TDRD9: variants seen among roughly 807,000 people sequenced by gnomAD.
TDRD9 encodes tudor domain containing 9.
TDRD9 carries 124 observed loss-of-function variants against 172.6 expected under a neutral mutation model. The observed-to-expected ratio is 0.72, with a 90% CI of 0.62 to 0.83. The LOEUF is 0.83. Among genes scored for constraint, TDRD9 ranks in the 40% least tolerant of loss-of-function variants. TDRD9 has a pLI of 0.00. For synonymous variants in TDRD9, 619 were observed against 617.1 expected (o/e 1.00, Z -0.05); for missense variants, 1,479 against 1,714.1 (o/e 0.86, Z 2.42).
chr14:104,020,561 A>C lies in TDRD9; in HGVS notation c.2433-1596A>C, dbSNP rs564265642. 6.6e-5 allele frequency among the ~76,000 whole-genome samples: 10 copies of C among 152,310 alleles called. No homozygotes were observed. The South Asian group carries it at 2.1e-3, about 32-fold the overall frequency. ...AGGGAGATAAAGCAGAAGGGCATGA[A>C]TCAGGCAGTGGGTGGAAGGAAAATG... On this transcript the variant is annotated intron_variant, in intron 23 of 35. Coordinates refer to ENST00000409874, the MANE Select transcript of TDRD9 (RefSeq NM_153046.3).
chr14:103,969,236 G>A (rs959684341), intron 5 of TDRD9, among the ~76,000 whole-genome samples: 11 of 149,856 alleles, frequency 7.3e-5, no homozygotes, highest in African/African-American at 2.7e-4. Context: ...ATAAAGATGA[G>A]TACTAGGGAG....
At chr14:103,970,508 C>G (rs1437246099) in intron 5 of TDRD9, 33 bp from the exon 6 acceptor site, 1 of 1,510,826 alleles carries the variant, frequency 6.6e-7, no homozygotes, top group Non-Finnish European at 9.0e-7. Flanking sequence ...TGCCTGATGC[C>G]ATGTGGGGGG....
At position 104,022,729 on chromosome 14, in the gene TDRD9, A is replaced by AAAATAAATAAATAAATAAAT. The variant is rs139166055; in HGVS notation, c.2606+415_2606+434dup. On this transcript the variant is annotated intron_variant, in intron 24 of 35. Transcript: ENST00000409874. ...GCGACAGAACAAGACGCTGTCTTAA[A>AAAATAAATAAATAAATAAAT]AAATAAATAAATAAATAAATAAATA... 1.8e-3 allele frequency among the ~76,000 whole-genome samples: 256 copies of AAAATAAATAAATAAATAAAT among 145,972 alleles called. 4 individuals are homozygous for AAAATAAATAAATAAATAAAT. The highest frequency in any genetic ancestry group is 1.4e-3 in the East Asian group (7 of 4,920).
At chr14:103,940,113 G>A (rs2031127920) in intron 1 of TDRD9, among the ~76,000 whole-genome samples, 2 of 151,946 alleles carry the variant, frequency 1.3e-5, no homozygotes, top group South Asian at 4.1e-4. Flanking sequence ...TAAATATTTT[G>A]CTATTTCACC....
At chr14:103,975,782 A>G (rs2033212175) in intron 7 of TDRD9, among the ~76,000 whole-genome samples, 1 of 152,228 alleles carries the variant, frequency 6.6e-6, no homozygotes, top group Non-Finnish European at 1.5e-5. Context: ...AACATTTATC[A>G]TTGTTAATTA....
Position 103,928,530 on chromosome 14 carries a change from C to G in TDRD9, c.21C>G (p.Ile7Met). Residue 7 changes from isoleucine to methionine, a missense_variant, in exon 1 of 36, where the codon ATC becomes ATG. By Grantham distance (10) the Ile-to-Met change is conservative (BLOSUM62 1). This residue lies in a region of TDRD9 where 63 missense variants were observed against 48.4 expected (regional missense o/e 1.30). Coordinates refer to ENST00000409874, the MANE Select transcript of TDRD9 (RefSeq NM_153046.3). MLRKLT[I>M]EQINDWFTIG... ...TGAGGATGCTGCGGAAGCTCACCAT[C>G]GAGCAGATCAACGACTGGTTCACCA... The G allele has an allele frequency of 7.1e-7, 1 of 1,411,848 alleles. No individual in the cohort carries two copies. The highest frequency in any genetic ancestry group is 3.2e-5 in the East Asian group (1 of 30,892). The allele number at this position is 1,411,848 out of a possible 1,614,324, so 87.5% of individuals were successfully genotyped here.
intron 1 of TDRD9, among the ~76,000 whole-genome samples, chr14:103,932,398 T>C (rs551054322): frequency 2.8e-4 from 42 of 152,294 alleles, no homozygotes; most frequent in Non-Finnish European, 7.4e-5. Context: ...ATGGCTTTTT[T>C]TCTTTTTGAG....
At chr14:104,040,440 ACC>A in intron 33 of TDRD9, 106 bp downstream of exon 33, 1 of 1,222,482 alleles carries the variant, frequency 8.2e-7, no homozygotes, top group Non-Finnish European at 1.1e-6. Flanking sequence ...GCAGACACAC[ACC>A]TCTGGTCCTG....
intron 8 of TDRD9, among the ~76,000 whole-genome samples, chr14:103,989,389 C>G (rs1447564262): frequency 6.6e-6 from 1 of 152,194 alleles, no homozygotes; most frequent in Admixed American, 6.5e-5. Context: ...AAGCCACCTG[C>G]TTTTGGATGC....
intron 2 of TDRD9, 124 bp from the exon 3 acceptor site, chr14:103,962,955 T>G: frequency 1.8e-6 from 1 of 541,818 alleles, no homozygotes; most frequent in Non-Finnish European, 3.0e-6. Context: ...AAAATGTATT[T>G]TTGTATTTGA....
Position 104,026,713 on chromosome 14 carries a change from C to A in TDRD9, c.3056C>A (p.Ser1019Ter). Residue 1019 changes from serine to a stop codon, truncating the protein, a stop_gained, in exon 28 of 36, where the codon TCA becomes TAA. Coordinates refer to ENST00000409874, the MANE Select transcript of TDRD9 (RefSeq NM_153046.3). LOFTEE classifies it high-confidence loss of function. ...TTTAAGATTTGCAAAATGAGACCATCAGCAAAGTCTCTTGTTTGTGGCAAG... is the reference window on the plus strand; with the variant it reads ...TTTAAGATTTGCAAAATGAGACCATAAGCAAAGTCTCTTGTTTGTGGCAAG... ...LEFKICKMRP[S>*]AKSLVCGKHW... The A allele has an allele frequency of 6.2e-7, 1 of 1,614,026 alleles. No homozygotes were observed. Among genetic ancestry groups the A allele is most frequent in the South Asian group, 1.1e-5 (1 of 91,072 alleles).
chr14:103,988,446 A>G (rs2033753132), intron 8 of TDRD9, among the ~76,000 whole-genome samples: 1 of 152,172 alleles, frequency 6.6e-6, no homozygotes, highest in Non-Finnish European at 1.5e-5. Context: ...TGCTGGGATT[A>G]TAGGTGTGAC....
At chr14:104,050,083 CA>C (rs2035897180) in intron 35 of TDRD9, 1 of 169,438 alleles carries the variant, frequency 5.9e-6, no homozygotes. Flanking sequence ...ACAGTGCCAC[CA>C]CGGGTAGGGG....
At chr14:104,043,169 G>A (rs147258861) in intron 34 of TDRD9, among the ~76,000 whole-genome samples, 2 of 151,604 alleles carry the variant, frequency 1.3e-5, no homozygotes. Flanking sequence ...GGCTACAGGT[G>A]TGCACCACCA....
chr14:103,955,883 G>A (rs1354263612), intron 2 of TDRD9, 113 bp downstream of exon 2: 2 of 858,908 alleles, frequency 2.3e-6, no homozygotes, highest in Non-Finnish European at 3.6e-6. Context: ...GCTGAGGTGG[G>A]AGGATCACTT....
At chr14:103,973,678 C>T (rs114013213) in intron 6 of TDRD9, among the ~76,000 whole-genome samples, 2,498 of 152,274 alleles carry the variant, frequency 0.016, 72 homozygotes, top group African/African-American at 0.057. Context: ...TCACTGGCCT[C>T]GTCGTTCCTT....
intron 1 of TDRD9, among the ~76,000 whole-genome samples, chr14:103,938,057 C>G (rs986688558): frequency 6.6e-5 from 10 of 151,974 alleles, no homozygotes; most frequent in African/African-American, 2.4e-4. Flanking sequence ...TTGGACGTAT[C>G]TGAGGCAGTT....
At chr14:103,933,729 T>G (rs866397488) in intron 1 of TDRD9, among the ~76,000 whole-genome samples, 5 of 152,168 alleles carry the variant, frequency 3.3e-5, no homozygotes, top group Admixed American at 1.3e-4. Context: ...GTCTTGGTTT[T>G]TGCACTTGTC....
chr14:104,018,003 A>G lies in TDRD9; in HGVS notation c.2332-89A>G, dbSNP rs554114675. ...AGTAAACTATGTTTTTAGAAACTAA[A>G]ACAGTGTGCAGCAGCTTTGAGCTTG... On this transcript the variant is annotated intron_variant, in intron 22 of 35. Transcript: ENST00000409874. 1.5e-5 allele frequency: 11 copies of G among 749,970 alleles called. No homozygotes were observed. The East Asian group carries it at 2.7e-4, about 18-fold the overall frequency. The allele number at this position is 749,970 out of a possible 1,614,324, so 46.5% of individuals were successfully genotyped here. A position where few individuals can be genotyped will look rare whatever the true frequency, so the allele number is the denominator to read the frequency against.
Sources: allele counts gnomAD v4.1 joint callset (sites outside exome capture counted in the v4.1 genomes callset), GRCh38; gene constraint gnomAD v4.1.1; regional missense constraint gnomAD v4.1.1; transcripts MANE v1.5; gene names NCBI Gene and HGNC (gene_info 2026-07-23, HGNC 2026-07-21).